Variants in FUBP3 observed in about 807,000 individuals in gnomAD.
The protein encoded by FUBP3 is far upstream element-binding protein 3.
Under a neutral mutation model 85.6 loss-of-function variants are expected in FUBP3, and 28 were observed. The ratio of observed to expected loss-of-function variants is 0.33; its 90% confidence interval spans 0.24 to 0.45. FUBP3 has a LOEUF of 0.45. Ranked by LOEUF, FUBP3 falls within the 20% of genes least tolerant of loss-of-function variation. FUBP3 has a pLI of 1.00. For missense variants in FUBP3, 583 were observed against 755.1 expected (o/e 0.77, Z 2.67); for synonymous variants, 271 against 271.4 (o/e 1.00, Z 0.01).
At chr9:130,605,483 C>T (rs1831378699) in intron 2 of FUBP3, among the ~76,000 whole-genome samples, 1 of 152,246 alleles carries the variant, frequency 6.6e-6, no homozygotes, top group African/African-American at 2.4e-5. Flanking sequence ...GGCCCCTCGC[C>T]TGCATGCCAC....
intron 1 of FUBP3, among the ~76,000 whole-genome samples, chr9:130,588,054 T>C (rs1370548393): frequency 6.6e-6 from 1 of 152,222 alleles, no homozygotes; most frequent in Non-Finnish European, 1.5e-5. Context: ...CCATCTCTGA[T>C]GACAACAATA....
chr9:130,595,792 G>C (rs1217719409), intron 2 of FUBP3, among the ~76,000 whole-genome samples: 2 of 152,122 alleles, frequency 1.3e-5, no homozygotes, highest in East Asian at 3.8e-4. Flanking sequence ...AAATCTTTTC[G>C]CTGGGCTCTG....
At chr9:130,632,177 C>T (rs1296819805) in intron 15 of FUBP3, 25 bp from the exon 16 acceptor site, 6 of 1,599,920 alleles carry the variant, frequency 3.8e-6, no homozygotes, top group Admixed American at 3.3e-5. Flanking sequence ...CCTATAGGAA[C>T]GAGTGACCCT....
At position 130,612,154 on chromosome 9, in the gene FUBP3, C is replaced by T. The variant is rs1221208787; in HGVS notation, c.225-302C>T. On this transcript the variant is annotated intron_variant, in intron 3 of 18. Transcript: ENST00000319725. The surrounding 1 kb of genome is among the most constrained non-coding windows in gnomAD (Gnocchi z 4.1). Reference sequence around the variant, plus strand: ...CACCTAACCAGGCAGAATGAGGCAACACTGAGAGGTGCTGTATGAAGAAAA... The same window carrying T: ...CACCTAACCAGGCAGAATGAGGCAATACTGAGAGGTGCTGTATGAAGAAAA... Among the ~76,000 whole-genome samples, 2 of 152,184 alleles carry T rather than the reference C, an allele frequency of 1.3e-5. No individual in the cohort carries two copies. The highest frequency in any genetic ancestry group is 2.9e-5 in the Non-Finnish European group (2 of 68,038).
intron 2 of FUBP3, among the ~76,000 whole-genome samples, chr9:130,606,420 T>C (rs1286841259): frequency 6.6e-6 from 1 of 152,196 alleles, no homozygotes; most frequent in Non-Finnish European, 1.5e-5. Context: ...CACCTGCCTC[T>C]GGCCAGTGGT....
intron 2 of FUBP3, among the ~76,000 whole-genome samples, chr9:130,609,306 CT>C (rs1167811451): frequency 6.6e-6 from 1 of 152,138 alleles, no homozygotes; most frequent in African/African-American, 2.4e-5. Flanking sequence ...GCACCGTTGT[CT>C]TTGTGAAATG....
intron 1 of FUBP3, among the ~76,000 whole-genome samples, chr9:130,591,009 G>GTT (rs905903196): frequency 2.4e-4 from 20 of 82,342 alleles, no homozygotes; most frequent in African/African-American, 9.0e-4. Context: ...GTTTTTGTTT[G>GTT]TTTTTGTTTT....
chr9:130,579,661 C>G lies in FUBP3; in HGVS notation c.-20C>G. On this transcript the variant is annotated 5_prime_UTR_variant, in exon 1 of 19. Coordinates refer to ENST00000319725, the MANE Select transcript of FUBP3 (RefSeq NM_003934.2). ...GCGTCGGCGGCGTCGGCGGCGGCGG[C>G]GACGGCGGCGGGGGCGGTAATGGCG... 8.3e-7 allele frequency: 1 copy of G among 1,203,718 alleles called. No individual in the cohort carries two copies. The highest frequency in any genetic ancestry group is 1.0e-6 in the Non-Finnish European group (1 of 957,614). The allele number at this position is 1,203,718 out of a possible 1,614,324, so 74.6% of individuals were successfully genotyped here.
chr9:130,618,929 C>T (rs368297544), intron 8 of FUBP3, among the ~76,000 whole-genome samples: 3 of 152,324 alleles, frequency 2.0e-5, no homozygotes, highest in East Asian at 1.9e-4. Context: ...GTCAGTGATA[C>T]GGTTGTTCAC....
chr9:130,588,846 C>T (rs1830461743), intron 1 of FUBP3, among the ~76,000 whole-genome samples: 1 of 152,254 alleles, frequency 6.6e-6, no homozygotes. Flanking sequence ...CACAGGGCTA[C>T]TTCCCTGGCT....
At position 130,616,144 on chromosome 9, in the gene FUBP3, G is replaced by A. The variant is rs545388367; in HGVS notation, c.405-211G>A. The stretch of plus-strand genomic sequence containing the variant: ...GGGCGGCAAGGCTCTGTGTCACAGC[G>A]TTGGTACTGTGGTGTGTGTTGCTTT... On this transcript the variant is annotated intron_variant, in intron 6 of 18. Coordinates refer to ENST00000319725, the MANE Select transcript of FUBP3 (RefSeq NM_003934.2). The surrounding 1 kb of genome is among the most constrained non-coding windows in gnomAD (Gnocchi z 4.7). 1.2e-4 allele frequency among the ~76,000 whole-genome samples: 19 copies of A among 152,304 alleles called. No individual in the cohort carries two copies. The highest frequency in any genetic ancestry group is 2.4e-4 in the African/African-American group (10 of 41,578).
chr9:130,623,636 T>A lies in FUBP3; in HGVS notation c.900T>A (p.Ala300=), dbSNP rs1256637028. 6.2e-7 allele frequency: 1 copy of A among 1,613,642 alleles called. No homozygotes were observed. Among genetic ancestry groups the A allele is most frequent in the South Asian group, 1.1e-5 (1 of 91,064 alleles). The change falls in exon 11 of 19, where the codon GCT becomes GCA. Residue 300 remains alanine, a synonymous_variant. Transcript: ENST00000319725. ...KPDDGISPER[A]AQVMGPPDRC... ...ATGATGGGATTAGTCCAGAAAGAGC[T>A]GCCCAGGTCATGGGCCCTCCGGATC...
intron 1 of FUBP3, among the ~76,000 whole-genome samples, chr9:130,587,206 A>C (rs1309956837): frequency 6.6e-6 from 1 of 151,978 alleles, no homozygotes; most frequent in Non-Finnish European, 1.5e-5. Flanking sequence ...CTGGGACTGC[A>C]GGCGTGCACC....
At chr9:130,632,299 A>G (rs1588167891) in intron 16 of FUBP3, 21 bp downstream of exon 16, 2 of 1,584,192 alleles carry the variant, frequency 1.3e-6, no homozygotes, top group Non-Finnish European at 1.7e-6. Context: ...CGGGGCGGGG[A>G]GTGCATGCCC....
chr9:130,603,201 G>T (rs1831242315), intron 2 of FUBP3, among the ~76,000 whole-genome samples: 1 of 152,056 alleles, frequency 6.6e-6, no homozygotes, highest in Admixed American at 6.5e-5. Context: ...ACAAAAATTA[G>T]CTGGATGTGG....
intron 10 of FUBP3, 141 bp from the exon 11 acceptor site, chr9:130,623,470 A>T: frequency 1.6e-6 from 1 of 632,470 alleles, no homozygotes; most frequent in Non-Finnish European, 2.9e-6. Context: ...ACATCACTCC[A>T]AAAGAGTCCC....
intron 2 of FUBP3, 72 bp from the exon 3 acceptor site, chr9:130,609,880 AAG>A (rs1261902048): frequency 3.4e-6 from 4 of 1,159,768 alleles, no homozygotes; most frequent in Non-Finnish European, 5.1e-6. Flanking sequence ...CCGAAATGGT[AAG>A]AATGGTAAGG....
intron 6 of FUBP3, among the ~76,000 whole-genome samples, chr9:130,615,810 T>C (rs1474616428): frequency 6.7e-6 from 1 of 149,202 alleles, no homozygotes; most frequent in East Asian, 1.9e-4. Flanking sequence ...TTCATAGCCT[T>C]AGCTTAAAAG....
rs1300728512 is a variant in FUBP3, at chr9:130,599,375, GTGTGTGTGTA to G, written c.190+3789_190+3798del. Among the ~76,000 whole-genome samples the G allele has an allele frequency of 1.7e-3, 253 of 145,126 alleles. 4 individuals are homozygous for G. Among genetic ancestry groups the G allele is most frequent in the Middle Eastern group, 7.0e-3 (2 of 286 alleles). On this transcript the variant is annotated intron_variant, in intron 2 of 18. Transcript: ENST00000319725. ...TATAAGTATATGTGTGTGTGTGTGTGTGTGTGTGTATATATATATATATGTAAAGTTTTTT... is the reference window on the plus strand; with the variant it reads ...TATAAGTATATGTGTGTGTGTGTGTGTATATATATATATGTAAAGTTTTTT...
Sources: gnomAD v4.1 joint callset for allele counts (sites outside exome capture counted in the v4.1 genomes callset) on GRCh38, gnomAD v4.1.1 for gene constraint, Gnocchi (gnomAD v3.1) non-coding constraint, MANE v1.5 for transcripts, NCBI Gene and HGNC (gene_info 2026-07-23, HGNC 2026-07-21) for gene names.